The following PIK3CA variants were observed in gnomAD, a reference collection of about 807,000 sequenced individuals.
PIK3CA encodes the protein phosphatidylinositol 4,5-bisphosphate 3-kinase catalytic subunit alpha isoform.
PIK3CA carries 27 observed loss-of-function variants against 138.2 expected under a neutral mutation model. The ratio of observed to expected loss-of-function variants is 0.20; its 90% CI spans 0.14 to 0.27. The LOEUF (loss-of-function observed/expected upper bound fraction) is 0.27. PIK3CA is among the 10% of genes least tolerant of loss of function. The pLI is 1.00. For missense variants in PIK3CA, 544 were observed against 1,277.4 expected, an observed-to-expected ratio of 0.43 and a Z score of 8.75; for synonymous variants, 358 against 413.2, an observed-to-expected ratio of 0.87 and a Z score of 1.62.
chr3:179,148,877 G>A (rs1183420131), intron 1 of PIK3CA, among the ~76,000 whole-genome samples: 1 of 152,100 alleles, frequency 6.6e-6, no homozygotes, highest in Non-Finnish European at 1.5e-5. Flanking sequence ...CCCAGTTTTG[G>A]GGACGGGGCG....
chr3:179,161,790 T>C (rs1723288535), intron 1 of PIK3CA, among the ~76,000 whole-genome samples: 2 of 152,218 alleles, frequency 1.3e-5, no homozygotes, highest in Admixed American at 6.5e-5. Context: ...TCCATTTCCA[T>C]ACTGTTCTAA....
chr3:179,221,283 C>T (rs1724960738), intron 14 of PIK3CA, 126 bp downstream of exon 14: 1 of 640,640 alleles, frequency 1.6e-6, no homozygotes, highest in Admixed American at 2.6e-5. Flanking sequence ...AACCAAGTTC[C>T]ACTGCCTCTC....
At position 179,203,562 on chromosome 3, in the gene PIK3CA, A is replaced by G. The variant is rs1460491333; in HGVS notation, c.832A>G (p.Met278Val). 6.2e-7 allele frequency: 1 copy of G among 1,613,776 alleles called. No homozygotes were observed. Among genetic ancestry groups the G allele is most frequent in the Non-Finnish European group, 8.5e-7 (1 of 1,179,922 alleles). Residue 278 changes from methionine to valine, a missense_variant, in exon 5 of 21, where the codon ATG becomes GTG. Physicochemically the swap from Met to Val is conservative, Grantham distance 21. Coordinates refer to ENST00000263967, the MANE Select transcript of PIK3CA (RefSeq NM_006218.4). ...SQYKYIRSCI[M>V]LGRMPNLMLM... ...CTTACAGTATATAAGAAGCTGTATA[A>G]TGCTTGGGAGGATGCCCAATTTGAT...
rs933472390 is a variant in PIK3CA at position 179,237,633 on chromosome 3, C to A, written c.*3269C>A. The A allele has an allele frequency of 9.6e-6, 2 of 208,226 alleles. No homozygotes were observed. The highest frequency in any genetic ancestry group is 9.8e-6 in the Non-Finnish European group (1 of 102,230). The allele number at this position is 208,226 out of a possible 1,614,324, so 12.9% of individuals were successfully genotyped here. ...AGTCCATCTGTATTCTTTTTTCCATCAAAAATCGAGTGATTTGGAATTATA... is the reference window on the plus strand; with the variant it reads ...AGTCCATCTGTATTCTTTTTTCCATAAAAAATCGAGTGATTTGGAATTATA... On this transcript the variant is annotated 3_prime_UTR_variant, in exon 21 of 21. Transcript: ENST00000263967.
rs1017123173 is a variant in PIK3CA, at chr3:179,239,847, G to A, written c.*5483G>A. The A allele has an allele frequency of 3.4e-5, 17 of 502,370 alleles. No individual in the cohort carries two copies. Among genetic ancestry groups the A allele is most frequent in the Non-Finnish European group, 4.6e-5 (13 of 280,526 alleles). 31.1% of individuals were successfully genotyped at this position (502,370 alleles called of 1,614,324 possible). A position where few individuals can be genotyped will look rare whatever the true frequency, so the allele number is the denominator to read the frequency against. On this transcript the variant is annotated 3_prime_UTR_variant, in exon 21 of 21. Transcript: ENST00000263967. ...TCATTAGAAGAAAAACGTTTTTAAT[G>A]TCCTTTTAATGATGGCCCAGAAAGC... is the stretch of plus-strand genomic sequence containing the variant.
At chr3:179,150,203 T>TGTG (rs1560119425) in intron 1 of PIK3CA, among the ~76,000 whole-genome samples, 7 of 121,352 alleles carry the variant, frequency 5.8e-5, no homozygotes, top group Non-Finnish European at 1.2e-4. Context: ...GTGTGTGTGT[T>TGTG]GGTATTTTGC....
At chr3:179,206,650 C>T (rs1048462554) in intron 6 of PIK3CA, among the ~76,000 whole-genome samples, 1 of 152,132 alleles carries the variant, frequency 6.6e-6, no homozygotes, top group African/African-American at 2.4e-5. Flanking sequence ...CGTGGTGGCT[C>T]ACGCCTATAA....
At chr3:179,222,500 T>C (rs1724991031) in intron 14 of PIK3CA, among the ~76,000 whole-genome samples, 2 of 152,228 alleles carry the variant, frequency 1.3e-5, no homozygotes, top group Admixed American at 6.5e-5. Context: ...CCTCAACTTA[T>C]AACAGGGTTA....
chr3:179,203,916 G>T, intron 5 of PIK3CA, 127 bp downstream of exon 5: 5 of 633,072 alleles, frequency 7.9e-6, no homozygotes, highest in Non-Finnish European at 1.3e-5. Context: ...CCAAATCTCC[G>T]AATGTAAAAA....
chr3:179,155,880 A>G (rs1253602451), intron 1 of PIK3CA, among the ~76,000 whole-genome samples: 1 of 152,222 alleles, frequency 6.6e-6, no homozygotes, highest in Admixed American at 6.5e-5. Context: ...GTGAAAAAAA[A>G]TTCGATCACG....
At chr3:179,164,942 A>G (rs1014985346) in intron 1 of PIK3CA, among the ~76,000 whole-genome samples, 6 of 152,080 alleles carry the variant, frequency 3.9e-5, no homozygotes, top group African/African-American at 1.4e-4. Flanking sequence ...GCCAAATCCA[A>G]CTGATTACCA....
intron 9 of PIK3CA, among the ~76,000 whole-genome samples, chr3:179,213,528 G>A (rs1040808133): frequency 2.0e-5 from 3 of 152,186 alleles, no homozygotes; most frequent in Non-Finnish European, 2.9e-5. Context: ...TAACGTTAGC[G>A]TGGCTACAGC....
At position 179,230,263 on chromosome 3, in the gene PIK3CA, G is replaced by A. The variant is rs749961927; in HGVS notation, c.2823G>A (p.Lys941=). The change falls in exon 20 of 21, where the codon AAG becomes AAA. Residue 941 remains lysine, a synonymous_variant. Transcript: ENST00000263967. This position sits in a 1 kb window ranked among gnomAD's most constrained non-coding sequence, Gnocchi z 5.4. ...ATTTTGGACACTTTTTGGATCACAA[G>A]AAGAAAAAATTTGGTTATAAACGAG... The part of the protein sequence containing the change: ...HIDFGHFLDH[K]KKKFGYKRER... 2.5e-6 allele frequency: 4 copies of A among 1,609,418 alleles called. No individual in the cohort carries two copies. The highest frequency in any genetic ancestry group is 3.3e-4 in the Middle Eastern group (2 of 6,022).
rs1233799963 is a variant in PIK3CA at position 179,220,229 on chromosome 3, A to C, written c.2015+177A>C. On this transcript the variant is annotated intron_variant, in intron 13 of 20. Coordinates refer to ENST00000263967, the MANE Select transcript of PIK3CA (RefSeq NM_006218.4). This position sits in a 1 kb window ranked among gnomAD's most constrained non-coding sequence, Gnocchi z 4.1. ...CTCAACTTTTGCTCTTTGAAATTTA[A>C]AAAGCAGTAAATTCAAAACTAAATT... Among the ~76,000 whole-genome samples the C allele has an allele frequency of 1.3e-5, 2 of 152,168 alleles. No individual in the cohort carries two copies. The highest frequency in any genetic ancestry group is 2.9e-5 in the Non-Finnish European group (2 of 68,008).
At chr3:179,226,080 C>A (rs776789113) in intron 17 of PIK3CA, 40 bp downstream of exon 17, 2 of 1,095,134 alleles carry the variant, frequency 1.8e-6, no homozygotes, top group Non-Finnish European at 2.8e-6. Context: ...TGAAAGTTAT[C>A]CTGAAAAAGT....
chr3:179,221,675 G>C (rs1401292553), intron 14 of PIK3CA, among the ~76,000 whole-genome samples: 3 of 143,712 alleles, frequency 2.1e-5, no homozygotes, highest in Non-Finnish European at 4.6e-5. Flanking sequence ...GTATAACTAA[G>C]AGTAGGAAAT....
At chr3:179,151,735 T>G (rs1449084403) in intron 1 of PIK3CA, among the ~76,000 whole-genome samples, 1 of 152,250 alleles carries the variant, frequency 6.6e-6, no homozygotes, top group Admixed American at 6.5e-5. Flanking sequence ...CATACTCTCC[T>G]GTGCAAATAC....
chr3:179,191,559 C>G (rs1724136312), intron 1 of PIK3CA, among the ~76,000 whole-genome samples: 1 of 152,090 alleles, frequency 6.6e-6, no homozygotes, highest in African/African-American at 2.4e-5. Context: ...AAATAACTTT[C>G]TTTCTTATTT....
chr3:179,195,439 A>G (rs918895782), intron 1 of PIK3CA, among the ~76,000 whole-genome samples: 4 of 152,058 alleles, frequency 2.6e-5, no homozygotes, highest in African/African-American at 9.7e-5. Flanking sequence ...TTCATATATC[A>G]CTTCATCTAT....
Sources: gnomAD v4.1 joint callset for allele counts (sites outside exome capture counted in the v4.1 genomes callset) on GRCh38, gnomAD v4.1.1 for gene constraint, Gnocchi (gnomAD v3.1) non-coding constraint, MANE v1.5 for transcripts, NCBI Gene and HGNC (gene_info 2026-07-23, HGNC 2026-07-21) for gene names.